Variants in SMG6 observed in about 807,000 individuals in gnomAD.
SMG6 encodes the protein SMG6 nonsense mediated mRNA decay factor.
Under a neutral mutation model 142.2 loss-of-function variants are expected in SMG6, and 66 were observed. The ratio of observed to expected loss-of-function variants is 0.46; its 90% CI spans 0.38 to 0.57. SMG6 has a LOEUF of 0.57. Ranked by LOEUF, SMG6 falls within the 20% of genes least tolerant of loss-of-function variation. The pLI is 0.00. For missense variants in SMG6, 1,793 were observed against 1,832.0 expected (o/e 0.98, Z 0.39); for synonymous variants, 779 against 702.4 (o/e 1.11, Z -1.72).
intron 8 of SMG6, among the ~76,000 whole-genome samples, chr17:2,282,390 CAAAAAAAAAAA>C (rs576759563): frequency 3.5e-5 from 3 of 84,526 alleles, no homozygotes; most frequent in African/African-American, 8.8e-5. Flanking sequence ...CAAAAAGCAG[CAAAAAAAAAAA>C]AAAAAAAAAA....
At position 2,085,581 on chromosome 17, in the gene SMG6, G is replaced by T; in HGVS notation, c.3534+144C>A. 1 of 814,280 alleles carries T rather than the reference G, an allele frequency of 1.2e-6. No homozygotes were observed. Among genetic ancestry groups the T allele is most frequent in the Non-Finnish European group, 2.0e-6 (1 of 511,476 alleles). The allele number at this position is 814,280 out of a possible 1,614,324, so 50.4% of individuals were successfully genotyped here. ...ACTGGCAGGAAGGGGCACCATCAGA[G>T]CACACTCTCGAGAAGCTGGCTGGTC... is the stretch of plus-strand genomic sequence containing the variant. On this transcript the variant is annotated intron_variant, in intron 14 of 18. Transcript: ENST00000263073. This position sits in a 1 kb window ranked among gnomAD's most constrained non-coding sequence, Gnocchi z 4.1.
Position 2,236,509 on chromosome 17 carries a change from T to A in SMG6, c.2852A>T (p.His951Leu), listed in dbSNP as rs768295796. Reference sequence around the variant, plus strand: ...TGCCTTACCTTTCAGCTGGGAGTTGTGTACTGCAAACATATTGATGGTCAT... The same window carrying A: ...TGCCTTACCTTTCAGCTGGGAGTTGAGTACTGCAAACATATTGATGGTCAT... ...QLMTINMFAV[H>L]NSQLKDCFSE... The change falls in exon 10 of 19, where the codon CAC becomes CTC. Residue 951 changes from histidine (H) to leucine (L), a missense_variant. This residue lies in a region of SMG6 where 1,597 missense variants were observed against 1,584.6 expected (regional missense o/e 1.01). Transcript: ENST00000263073. 6.2e-7 allele frequency: 1 copy of A among 1,612,962 alleles called. No individual in the cohort carries two copies. The highest frequency in any genetic ancestry group is 1.3e-5 in the African/African-American group (1 of 75,012).
intron 8 of SMG6, among the ~76,000 whole-genome samples, chr17:2,254,795 T>G (rs1163435874): frequency 1.3e-5 from 2 of 152,132 alleles, no homozygotes; most frequent in Non-Finnish European, 2.9e-5. Flanking sequence ...GCAGAGATAA[T>G]CCTTCCTCTA....
chr17:2,303,556 G>A lies in SMG6; in HGVS notation c.88+77C>T, dbSNP rs1028886686. The A allele has an allele frequency of 2.3e-4, 315 of 1,348,642 alleles. 1 individual carries two copies. Among genetic ancestry groups the A allele is most frequent in the Non-Finnish European group, 6.0e-5 (63 of 1,054,698 alleles). 83.5% of individuals were successfully genotyped at this position (1,348,642 alleles called of 1,614,324 possible). On this transcript the variant is annotated intron_variant, in intron 1 of 18. Transcript: ENST00000263073. ...CGGGGGCTCCGGAGCCGAGGGCCGAGCGGGGAGGAGGCAGAGGAGGAGGAG... is the reference window on the plus strand; with the variant it reads ...CGGGGGCTCCGGAGCCGAGGGCCGAACGGGGAGGAGGCAGAGGAGGAGGAG...
intron 15 of SMG6, among the ~76,000 whole-genome samples, chr17:2,075,025 G>A (rs1289284916): frequency 6.6e-6 from 1 of 152,222 alleles, no homozygotes; most frequent in Non-Finnish European, 1.5e-5. Context: ...GGTCTGGGTG[G>A]GAAGGGCGGA....
At chr17:2,106,391 G>T (rs910519553) in intron 13 of SMG6, among the ~76,000 whole-genome samples, 1 of 152,110 alleles carries the variant, frequency 6.6e-6, no homozygotes, top group African/African-American at 2.4e-5. Context: ...AGGGAGGGGG[G>T]TCTCTCAAGG....
intron 13 of SMG6, among the ~76,000 whole-genome samples, chr17:2,143,912 A>G (rs954790621): frequency 2.6e-5 from 4 of 152,124 alleles, no homozygotes; most frequent in African/African-American, 9.7e-5. Context: ...GCACATATTT[A>G]AAGTGTACAA....
In SMG6 at chr17:2,071,172, T is replaced by G. The variant is rs1427494045; in HGVS notation, c.3682-2241A>C. Among the ~76,000 whole-genome samples, 1 of 152,154 alleles carries G rather than the reference T, an allele frequency of 6.6e-6. No homozygotes were observed. Among genetic ancestry groups the G allele is most frequent in the African/African-American group, 2.4e-5 (1 of 41,444 alleles). On this transcript the variant is annotated intron_variant, in intron 15 of 18. Transcript: ENST00000263073. This position sits in a 1 kb window ranked among gnomAD's most constrained non-coding sequence, Gnocchi z 5.6. ...TCTGCACTGCGCCTCTGCCTCTGCC[T>G]CTGCCCCGCAAGTCCACTACCATCT...
chr17:2,297,759 T>G (rs573669692), intron 3 of SMG6, 104 bp downstream of exon 3: 13 of 1,345,388 alleles, frequency 9.7e-6, no homozygotes, highest in Non-Finnish European at 1.3e-5. Flanking sequence ...GCAGTTTTTT[T>G]GTCGATATTC....
chr17:2,079,214 G>A (rs533368976), intron 15 of SMG6, among the ~76,000 whole-genome samples: 39 of 152,016 alleles, frequency 2.6e-4, no homozygotes, highest in East Asian at 5.8e-4. Flanking sequence ...TCCACCCACC[G>A]TGGCCTCCCA....
chr17:2,164,349 G>C (rs2071269431), intron 13 of SMG6, among the ~76,000 whole-genome samples: 1 of 151,676 alleles, frequency 6.6e-6, no homozygotes, highest in South Asian at 2.1e-4. Flanking sequence ...CTTAAACCCG[G>C]GAGACAGAGG....
intron 16 of SMG6, among the ~76,000 whole-genome samples, chr17:2,066,644 T>G (rs1396928191): frequency 1.6e-5 from 1 of 61,920 alleles, no homozygotes; most frequent in Non-Finnish European, 3.6e-5. Context: ...AAAGGGCCCA[T>G]GTGGGAATAC....
At position 2,061,263 on chromosome 17, in the gene SMG6, C is replaced by A. The variant is rs1597309014; in HGVS notation, c.*229G>T. The A allele has an allele frequency of 4.2e-6, 2 of 472,158 alleles. No homozygotes were observed. Among genetic ancestry groups the A allele is most frequent in the Non-Finnish European group, 7.7e-6 (2 of 260,684 alleles). 29.2% of individuals were successfully genotyped at this position (472,158 alleles called of 1,614,324 possible). A position where few individuals can be genotyped will look rare whatever the true frequency, so the allele number is the denominator to read the frequency against. On this transcript the variant is annotated 3_prime_UTR_variant, in exon 19 of 19. Transcript: ENST00000263073. ...GTTGCTGTAGCCAGCCACCTCCCTG[C>A]TAAATCCTGGCAGCCCAGGAGGGTC...
At chr17:2,236,665 G>C (rs754940136) in intron 9 of SMG6, 28 bp from the exon 10 acceptor site, 3 of 1,595,340 alleles carry the variant, frequency 1.9e-6, no homozygotes, top group South Asian at 1.1e-5. Context: ...CCATCAATGA[G>C]GCACCTCTCT....
At chr17:2,076,282 C>G (rs2068256062) in intron 15 of SMG6, among the ~76,000 whole-genome samples, 1 of 152,080 alleles carries the variant, frequency 6.6e-6, no homozygotes, top group African/African-American at 2.4e-5. Context: ...AATTTACAGC[C>G]CATCCCTCCA....
intron 8 of SMG6, among the ~76,000 whole-genome samples, chr17:2,268,900 A>T (rs2074483681): frequency 1.4e-5 from 2 of 140,106 alleles, no homozygotes; most frequent in Non-Finnish European, 3.1e-5. Context: ...CGACAGAGTT[A>T]GACTTCGTCT....
chr17:2,261,370 T>G (rs1032447200), intron 8 of SMG6, among the ~76,000 whole-genome samples: 8 of 152,178 alleles, frequency 5.3e-5, no homozygotes, highest in Non-Finnish European at 8.8e-5. Context: ...AAACTGCTGG[T>G]TATACAAGTA....
intron 13 of SMG6, among the ~76,000 whole-genome samples, chr17:2,121,889 A>G (rs1379581030): frequency 1.3e-5 from 2 of 151,986 alleles, no homozygotes; most frequent in African/African-American, 4.8e-5. Context: ...GCTGGAGTGC[A>G]TGGCGCAATC....
At chr17:2,232,552 C>A (rs1274545988) in intron 10 of SMG6, 1 of 152,258 alleles carries the variant, frequency 6.6e-6, no homozygotes, top group Non-Finnish European at 1.5e-5. Context: ...CTAATACATA[C>A]CAGGCCCTAT....
Sources: allele counts gnomAD v4.1 joint callset (sites outside exome capture counted in the v4.1 genomes callset), GRCh38; gene constraint gnomAD v4.1.1; regional missense constraint gnomAD v4.1.1; non-coding constraint Gnocchi (gnomAD v3.1); transcripts MANE v1.5; gene names NCBI Gene and HGNC (gene_info 2026-07-23, HGNC 2026-07-21).